The following TOX2 variants were observed in gnomAD, a reference collection of about 807,000 sequenced individuals.
The protein encoded by TOX2 is granulosa cell HMG box 1.
In TOX2, 15 loss-of-function variants were observed where a neutral mutation model predicts 47.4. The ratio of observed to expected loss-of-function variants is 0.32; its 90% confidence interval spans 0.21 to 0.49. TOX2 has a LOEUF of 0.49. Among genes scored for constraint, TOX2 ranks in the 20% least tolerant of loss-of-function variants. The pLI, the probability that TOX2 is intolerant of heterozygous loss-of-function variation, is 0.99. For synonymous variants in TOX2, 290 were observed against 296.6 expected, an observed-to-expected ratio of 0.98 and a Z score of 0.23; for missense variants, 622 against 673.1, an observed-to-expected ratio of 0.92 and a Z score of 0.84.
chr20:44,035,611 A>G (rs1339945486), intron 3 of TOX2, among the ~76,000 whole-genome samples: 2 of 152,198 alleles, frequency 1.3e-5, no homozygotes, highest in African/African-American at 4.8e-5. Flanking sequence ...AGCACTGGAC[A>G]TACTCAACAA....
chr20:44,066,420 A>T (rs1236211601), intron 7 of TOX2, among the ~76,000 whole-genome samples: 1 of 152,166 alleles, frequency 6.6e-6, no homozygotes, highest in African/African-American at 2.4e-5. Context: ...TAATTGTTCC[A>T]CAGAGATTGC....
intron 2 of TOX2, among the ~76,000 whole-genome samples, chr20:43,984,094 G>A (rs1304285946): frequency 5.9e-5 from 9 of 152,190 alleles, no homozygotes; most frequent in South Asian, 4.1e-4. Flanking sequence ...TGTTTCACCC[G>A]CTGTGGTGCG....
At chr20:43,999,237 T>C (rs543048316) in intron 2 of TOX2, among the ~76,000 whole-genome samples, 1 of 152,378 alleles carries the variant, frequency 6.6e-6, no homozygotes, top group East Asian at 1.9e-4. Flanking sequence ...TTCTTTATTA[T>C]GTTTGATAGT....
intron 1 of TOX2, among the ~76,000 whole-genome samples, chr20:43,948,125 G>A (rs919446004): frequency 1.8e-4 from 28 of 152,160 alleles, no homozygotes; most frequent in African/African-American, 6.0e-4. Context: ...AGTAAATAAC[G>A]TGTTCTCCTG....
chr20:43,926,195 T>C (rs1039909159), intron 1 of TOX2, among the ~76,000 whole-genome samples: 1 of 152,342 alleles, frequency 6.6e-6, no homozygotes, highest in East Asian at 1.9e-4. Context: ...ATGTGGAAGA[T>C]GGACCCTGGG....
chr20:44,053,276 G>A (rs531573368), intron 4 of TOX2, among the ~76,000 whole-genome samples: 26 of 152,222 alleles, frequency 1.7e-4, no homozygotes, highest in African/African-American at 4.8e-4. Context: ...CAGGGCTGAC[G>A]CAGTAACAGT....
At chr20:43,934,378 A>T (rs2069296579) in intron 1 of TOX2, among the ~76,000 whole-genome samples, 1 of 152,114 alleles carries the variant, frequency 6.6e-6, no homozygotes, top group African/African-American at 2.4e-5. Context: ...CAACAATCCT[A>T]TGTAGAAAGC....
intron 2 of TOX2, among the ~76,000 whole-genome samples, chr20:43,998,763 CTATCTATT>C (rs1421943351): frequency 1.3e-5 from 2 of 149,358 alleles, no homozygotes; most frequent in East Asian, 1.9e-4. Context: ...ATCTATCTAT[CTATCTATT>C]TATTTTAAGA....
chr20:44,006,826 A>T lies in TOX2; in HGVS notation c.411+34A>T, dbSNP rs548064293. The stretch of plus-strand genomic sequence containing the variant: ...CTATCGCCTGCTGCAGTTCCTGCTG[A>T]TGACAGCAGGGAGGGGGTTGAGAGG... On this transcript the variant is annotated intron_variant, in intron 3 of 8. Transcript: ENST00000341197. The T allele has an allele frequency of 4.8e-5, 77 of 1,601,680 alleles. No homozygotes were observed. The South Asian group carries it at 7.3e-4, about 15-fold the overall frequency.
chr20:43,999,358 C>G (rs2070536317), intron 2 of TOX2, among the ~76,000 whole-genome samples: 1 of 151,738 alleles, frequency 6.6e-6, no homozygotes, highest in Non-Finnish European at 1.5e-5. Flanking sequence ...AAAATTATAA[C>G]AAATATTTAA....
chr20:43,959,651 T>C (rs2069724815), intron 1 of TOX2, among the ~76,000 whole-genome samples: 1 of 152,248 alleles, frequency 6.6e-6, no homozygotes, highest in African/African-American at 2.4e-5. Flanking sequence ...AGAAAATATC[T>C]TCCACATCAT....
intron 1 of TOX2, among the ~76,000 whole-genome samples, chr20:43,962,087 G>A (rs1375990313): frequency 1.3e-5 from 2 of 152,266 alleles, no homozygotes; most frequent in African/African-American, 4.8e-5. Context: ...TTACAATCGG[G>A]GATGGGAGAG....
intron 1 of TOX2, among the ~76,000 whole-genome samples, chr20:43,972,046 G>T (rs2069980391): frequency 6.6e-6 from 1 of 152,204 alleles, no homozygotes; most frequent in Non-Finnish European, 1.5e-5. Context: ...TAAAATGGCT[G>T]TTTGCTATTG....
chr20:44,034,036 T>C (rs535636547), intron 3 of TOX2, among the ~76,000 whole-genome samples: 1 of 152,280 alleles, frequency 6.6e-6, no homozygotes, highest in African/African-American at 2.4e-5. Context: ...CAAGCATGCT[T>C]ACCCTCCAAC....
intron 5 of TOX2, among the ~76,000 whole-genome samples, chr20:44,063,489 C>T (rs1268658237): frequency 6.6e-6 from 1 of 152,166 alleles, no homozygotes; most frequent in Non-Finnish European, 1.5e-5. Context: ...AAAGGGAACA[C>T]TTTTACACTG....
At chr20:43,969,774 C>T (rs1420345946) in intron 1 of TOX2, among the ~76,000 whole-genome samples, 2 of 152,238 alleles carry the variant, frequency 1.3e-5, no homozygotes, top group African/African-American at 4.8e-5. Flanking sequence ...GGCCCTGCCT[C>T]GGGAACCTCT....
In TOX2 at chr20:44,054,311, A is replaced by G. The variant is rs2071578655; in HGVS notation, c.664A>G (p.Lys222Glu). The change falls in exon 5 of 9, where the codon AAG (lysine) becomes GAG (glutamate). Residue 222 changes from lysine (K) to glutamate (E), a missense_variant. By Grantham distance (56) the Lys-to-Glu change is moderately conservative. Coordinates refer to ENST00000341197, the MANE Select transcript of TOX2 (RefSeq NM_001098797.2). ...CTCACTCGGGCAGATCTCGGGAGAAAAGAGACCTTCAGCCGACCCAGGAAA... is the reference window on the plus strand; with the variant it reads ...CTCACTCGGGCAGATCTCGGGAGAAGAGAGACCTTCAGCCGACCCAGGAAA... ...SEVHFKISGE[K>E]RPSADPGKKA... is the part of the protein sequence containing the mutation. 6.2e-7 allele frequency: 1 copy of G among 1,610,486 alleles called. No individual in the cohort carries two copies. The highest frequency in any genetic ancestry group is 8.5e-7 in the Non-Finnish European group (1 of 1,178,202).
At chr20:43,948,197 G>C (rs570744822) in intron 1 of TOX2, among the ~76,000 whole-genome samples, 4 of 152,190 alleles carry the variant, frequency 2.6e-5, no homozygotes, top group Non-Finnish European at 5.9e-5. Flanking sequence ...GCACACAGGG[G>C]CCCAAACACG....
At chr20:44,003,198 T>C (rs1021673714) in intron 2 of TOX2, among the ~76,000 whole-genome samples, 1 of 151,462 alleles carries the variant, frequency 6.6e-6, no homozygotes, top group Non-Finnish European at 1.5e-5. Context: ...TTTTTTTTTT[T>C]TTTTTTAAGA....
Sources: gnomAD v4.1 joint callset for allele counts (sites outside exome capture counted in the v4.1 genomes callset) on GRCh38, gnomAD v4.1.1 for gene constraint, MANE v1.5 for transcripts, NCBI Gene and HGNC (gene_info 2026-07-23, HGNC 2026-07-21) for gene names.